Variants in SLC8A2 observed in about 807,000 individuals in gnomAD.
SLC8A2 encodes the protein solute carrier family 8 member A2.
In SLC8A2, 14 loss-of-function variants were observed where a neutral mutation model predicts 70.2. The ratio of observed to expected loss-of-function variants is 0.20; its 90% CI spans 0.13 to 0.31. The LOEUF (loss-of-function observed/expected upper bound fraction) is 0.31, where lower values mean the gene tolerates loss of function less well. SLC8A2 is among the 10% of genes least tolerant of loss of function. The probability of loss-of-function intolerance (pLI) is 1.00; values close to 1 mark genes in which losing one functional copy is unlikely to be tolerated. For missense variants in SLC8A2, 779 were observed against 1,320.1 expected, an observed-to-expected ratio of 0.59 and a Z score of 6.35; for synonymous variants, 575 against 594.3, an observed-to-expected ratio of 0.97 and a Z score of 0.47.
intron 1 of SLC8A2, among the ~76,000 whole-genome samples, chr19:47,470,345 T>TCACACACA (rs1555751618): frequency 1.8e-5 from 2 of 109,242 alleles, no homozygotes; most frequent in Non-Finnish European, 4.3e-5. Flanking sequence ...CAGGGAGACA[T>TCACACACA]CATACACACA....
At position 47,432,109 on chromosome 19, in the gene SLC8A2, G is replaced by A; in HGVS notation, c.2389+58C>T. 1 of 1,490,850 alleles carries A rather than the reference G, an allele frequency of 6.7e-7. No homozygotes were observed. The allele number at this position is 1,490,850 out of a possible 1,614,324, so 92.4% of individuals were successfully genotyped here. A position where few individuals can be genotyped will look rare whatever the true frequency, so the allele number is the denominator to read the frequency against. ...CCACCTCATTTTGGCAGGATCCTGTGTTGCCCCTGCCTGGCTCATCTGAGA... is the reference window on the plus strand; with the variant it reads ...CCACCTCATTTTGGCAGGATCCTGTATTGCCCCTGCCTGGCTCATCTGAGA... On this transcript the variant is annotated intron_variant, in intron 9 of 9. Transcript: ENST00000236877. This position sits in a 1 kb window ranked among gnomAD's most constrained non-coding sequence, Gnocchi z 6.2.
rs1966948427 is a variant in SLC8A2 at position 47,430,842 on chromosome 19, G to A, written c.2390-377C>T. Among the ~76,000 whole-genome samples the A allele has an allele frequency of 6.6e-6, 1 of 151,668 alleles. No homozygotes were observed. On this transcript the variant is annotated intron_variant, in intron 9 of 9. Coordinates refer to ENST00000236877, the MANE Select transcript of SLC8A2 (RefSeq NM_015063.3). This position sits in a 1 kb window ranked among gnomAD's most constrained non-coding sequence, Gnocchi z 5.9. ...CCCAGGTTCAAGCGATTCTCTTGCC[G>A]GAGCCTCTGAGTAGCTGGGATTACA...
chr19:47,429,768 ATGGTTACTGGGGG>A lies in SLC8A2; in HGVS notation c.*308_*320del. On this transcript the variant is annotated 3_prime_UTR_variant, in exon 10 of 10. Transcript: ENST00000236877. ...GGAGAGAGACCTTAAACTCCCCAGGATGGTTACTGGGGGTGGTTCCCTGGGGAGGGGACTGGGG... is the reference window on the plus strand; with the variant it reads ...GGAGAGAGACCTTAAACTCCCCAGGATGGTTCCCTGGGGAGGGGACTGGGG... 1 of 404,536 alleles carries A rather than the reference ATGGTTACTGGGGG, an allele frequency of 2.5e-6. No individual in the cohort carries two copies. The highest frequency in any genetic ancestry group is 4.5e-6 in the Non-Finnish European group (1 of 224,530). The allele number at this position is 404,536 out of a possible 1,614,324, so 25.1% of individuals were successfully genotyped here.
In SLC8A2 at chr19:47,428,579, T is replaced by C. The variant is rs879841499; in HGVS notation, c.*1510A>G. ...GACCGCGGGCCGCAAAAACCCAGAT[T>C]ACTTGGTTTAACAGTTGCCCAAATC... On this transcript the variant is annotated 3_prime_UTR_variant, in exon 10 of 10. Coordinates refer to ENST00000236877, the MANE Select transcript of SLC8A2 (RefSeq NM_015063.3). The C allele has an allele frequency of 8.5e-5, 13 of 152,608 alleles. No individual in the cohort carries two copies. The highest frequency in any genetic ancestry group is 1.9e-4 in the Non-Finnish European group (13 of 68,042). 9.5% of individuals were successfully genotyped at this position (152,608 alleles called of 1,614,324 possible). A position where few individuals can be genotyped will look rare whatever the true frequency, so the allele number is the denominator to read the frequency against.
intron 6 of SLC8A2, 84 bp downstream of exon 6, chr19:47,441,085 G>C (rs1304639561): frequency 1.5e-6 from 2 of 1,336,396 alleles, no homozygotes; most frequent in South Asian, 2.4e-5. Flanking sequence ...CAACCTGGAA[G>C]AGTAGCTTTG....
At position 47,428,426 on chromosome 19, in the gene SLC8A2, T is replaced by G. The variant is rs1966902189; in HGVS notation, c.*1663A>C. The stretch of plus-strand genomic sequence containing the variant: ...GACTGATGGATGGGGGTGTGGCTAG[T>G]GGAAGAGCTAGGCTGACGGATGGGG... On this transcript the variant is annotated 3_prime_UTR_variant, in exon 10 of 10. Coordinates refer to ENST00000236877, the MANE Select transcript of SLC8A2 (RefSeq NM_015063.3). 7.2e-6 allele frequency: 1 copy of G among 139,554 alleles called. No individual in the cohort carries two copies. Among genetic ancestry groups the G allele is most frequent in the Non-Finnish European group, 1.5e-5 (1 of 64,662 alleles). 8.6% of individuals were successfully genotyped at this position (139,554 alleles called of 1,614,324 possible).
At chr19:47,433,878 A>C (rs1966994110) in intron 8 of SLC8A2, among the ~76,000 whole-genome samples, 1 of 152,144 alleles carries the variant, frequency 6.6e-6, no homozygotes, top group Non-Finnish European at 1.5e-5. Flanking sequence ...TCCTGGCCTC[A>C]ACTGATCTGC....
intron 8 of SLC8A2, among the ~76,000 whole-genome samples, chr19:47,435,018 G>A (rs960840103): frequency 6.6e-6 from 1 of 152,004 alleles, no homozygotes; most frequent in Non-Finnish European, 1.5e-5. Context: ...AGACCAGTCC[G>A]GCCAACATGG....
Position 47,432,206 on chromosome 19 carries a change from T to C in SLC8A2, c.2350A>G (p.Asn784Asp), listed in dbSNP as rs1413578019. 1 of 1,613,794 alleles carries C rather than the reference T, an allele frequency of 6.2e-7. No individual in the cohort carries two copies. The change falls in exon 9 of 10, where the codon AAT becomes GAT. Residue 784 changes from asparagine (N) to aspartate (D), a missense_variant. By Grantham distance (23) the Asn-to-Asp change is conservative. Coordinates refer to ENST00000236877, the MANE Select transcript of SLC8A2 (RefSeq NM_015063.3). The surrounding 1 kb of genome is among the most constrained non-coding windows in gnomAD (Gnocchi z 6.2). ...CCCAGGGCAACGAAGACAACAGCAT[T>C]GACAGAGTCCTTGAGGCCAACGGTG... Reference protein sequence around the residue: ...GCTVGLKDSVNAVVFVALGTS... With the variant: ...GCTVGLKDSVDAVVFVALGTS...
rs746285282 is a variant in SLC8A2, at chr19:47,457,445, G to T, written c.825C>A (p.Asp275Glu). 6.2e-7 allele frequency: 1 copy of T among 1,605,424 alleles called. No homozygotes were observed. Among genetic ancestry groups the T allele is most frequent in the Admixed American group, 1.7e-5 (1 of 58,726 alleles). The change falls in exon 3 of 10, where the codon GAC becomes GAA. Residue 275 changes from aspartate to glutamate, a missense_variant. Transcript: ENST00000236877. ...RSGIIIGAEG[D>E]PPKSIELDGT... ...CGTCCAGCTCGATGCTCTTCGGGGG[G>T]TCGCCCTCGGCGCCTATGATGATGC...
chr19:47,431,292 G>A (rs1488440693), intron 9 of SLC8A2, among the ~76,000 whole-genome samples: 6 of 150,436 alleles, frequency 4.0e-5, no homozygotes, highest in South Asian at 2.2e-4. Context: ...TTGGCCCCCC[G>A]CCTTTGCCTC....
In SLC8A2 at chr19:47,465,260, T is replaced by A. The variant is rs916273921; in HGVS notation, c.675+469A>T. On this transcript the variant is annotated intron_variant, in intron 2 of 9. Coordinates refer to ENST00000236877, the MANE Select transcript of SLC8A2 (RefSeq NM_015063.3). The surrounding 1 kb of genome is among the most constrained non-coding windows in gnomAD (Gnocchi z 5.5). ...GGCTGGATTATATGCAAGGGTAGTA[T>A]GAATTATGCGAATGGAGGATGTCTT... Among the ~76,000 whole-genome samples, 1 of 152,120 alleles carries A rather than the reference T, an allele frequency of 6.6e-6. No individual in the cohort carries two copies. The highest frequency in any genetic ancestry group is 1.5e-5 in the Non-Finnish European group (1 of 68,012).
intron 8 of SLC8A2, among the ~76,000 whole-genome samples, chr19:47,433,183 G>A (rs1430975947): frequency 6.6e-6 from 1 of 152,118 alleles, no homozygotes; most frequent in Non-Finnish European, 1.5e-5. Flanking sequence ...TTTCCCAGAA[G>A]CCTTCACAGC....
At chr19:47,460,203 T>G (rs769332919) in intron 2 of SLC8A2, among the ~76,000 whole-genome samples, 2 of 152,146 alleles carry the variant, frequency 1.3e-5, no homozygotes, top group Non-Finnish European at 2.9e-5. Flanking sequence ...GAGACACACA[T>G]CTGGCTCTTC....
At position 47,447,869 on chromosome 19, in the gene SLC8A2, C is replaced by T. The variant is rs1967186911; in HGVS notation, c.1703G>A (p.Gly568Asp). 6.3e-7 allele frequency: 1 copy of T among 1,594,318 alleles called. No individual in the cohort carries two copies. The highest frequency in any genetic ancestry group is 8.5e-7 in the Non-Finnish European group (1 of 1,174,468). Reference protein sequence around the residue: ...PYRTVDGTARGGGVHYEDACG... With the variant: ...PYRTVDGTARDGGVHYEDACG... Reference sequence around the variant, plus strand: ...CGCGTCCTCGTAGTGCACGCCGCCGCCGCGCGCCGTGCCGTCCACCGTGCG... The same window carrying T: ...CGCGTCCTCGTAGTGCACGCCGCCGTCGCGCGCCGTGCCGTCCACCGTGCG... Residue 568 changes from glycine (G) to aspartate (D), a missense_variant, in exon 4 of 10, where the codon GGC (glycine) becomes GAC (aspartate). Physicochemically the swap from Gly to Asp is moderately conservative, Grantham distance 94. Transcript: ENST00000236877. The surrounding 1 kb of genome is among the most constrained non-coding windows in gnomAD (Gnocchi z 5.1).
At chr19:47,469,050 G>C (rs888166744) in intron 1 of SLC8A2, among the ~76,000 whole-genome samples, 1 of 152,088 alleles carries the variant, frequency 6.6e-6, no homozygotes, top group African/African-American at 2.4e-5. Flanking sequence ...GGCTCCTCTG[G>C]GGGAGGGAGG....
Position 47,448,172 on chromosome 19 carries a change from ATGATGCCGATGC to A in SLC8A2, c.1388_1399del (p.Arg463_Ile467delinsLeu). On this transcript the variant is annotated inframe_deletion, in exon 4 of 10. Coordinates refer to ENST00000236877, the MANE Select transcript of SLC8A2 (RefSeq NM_015063.3). This position sits in a 1 kb window ranked among gnomAD's most constrained non-coding sequence, Gnocchi z 4.8. ...GTCCTCCTCGAAGATGTCGTCGTCG[ATGATGCCGATGC>A]GCAGCTCCTTCTGCGTCTCGCCTGG... The A allele has an allele frequency of 6.2e-7, 1 of 1,612,106 alleles. No individual in the cohort carries two copies. Among genetic ancestry groups the A allele is most frequent in the Non-Finnish European group, 8.5e-7 (1 of 1,179,202 alleles).
chr19:47,442,279 G>A (rs1318301228), intron 4 of SLC8A2, among the ~76,000 whole-genome samples: 1 of 152,156 alleles, frequency 6.6e-6, no homozygotes, highest in African/African-American at 2.4e-5. Flanking sequence ...CAGCCTCACC[G>A]CCCACAGTCT....
intron 3 of SLC8A2, 130 bp downstream of exon 3, chr19:47,456,800 A>T: frequency 1.0e-6 from 1 of 970,036 alleles, no homozygotes; most frequent in Non-Finnish European, 1.5e-6. Context: ...CTCAGGAATG[A>T]ATGAATGAAC....
Sources: gnomAD v4.1 joint callset for allele counts (sites outside exome capture counted in the v4.1 genomes callset) on GRCh38, gnomAD v4.1.1 for gene constraint, Gnocchi (gnomAD v3.1) non-coding constraint, MANE v1.5 for transcripts, NCBI Gene and HGNC (gene_info 2026-07-23, HGNC 2026-07-21) for gene names.